HEATR3: variants seen among roughly 807,000 people sequenced by gnomAD.
The protein encoded by HEATR3 is HEAT repeat-containing protein 3.
Under a neutral mutation model 72.8 loss-of-function variants are expected in HEATR3, and 56 were observed. The observed-to-expected ratio is 0.77, with a 90% CI of 0.62 to 0.96. HEATR3 has a LOEUF of 0.96. Among genes scored for constraint, HEATR3 ranks in the 40% least tolerant of loss-of-function variants. The pLI is 0.00. For synonymous variants in HEATR3, 331 were observed against 318.1 expected, an observed-to-expected ratio of 1.04 and a Z score of -0.43; for missense variants, 747 against 831.4, an observed-to-expected ratio of 0.90 and a Z score of 1.25.
At chr16:50,082,887 T>A (rs1597153776) in intron 7 of HEATR3, among the ~76,000 whole-genome samples, 1 of 152,086 alleles carries the variant, frequency 6.6e-6, no homozygotes, top group Non-Finnish European at 1.5e-5. Context: ...GCCTCCTGGG[T>A]TCAAGGGATT....
chr16:50,096,536 C>T (rs978778089), intron 12 of HEATR3, among the ~76,000 whole-genome samples: 22 of 152,116 alleles, frequency 1.4e-4, no homozygotes, highest in African/African-American at 5.1e-4. Flanking sequence ...CAGTGGCTCA[C>T]GCCTGTAATC....
chr16:50,082,121 C>T (rs915691868), intron 7 of HEATR3, among the ~76,000 whole-genome samples: 1 of 152,040 alleles, frequency 6.6e-6, no homozygotes, highest in African/African-American at 2.4e-5. Context: ...GTGGGTGGAT[C>T]ACTTGAAGCC....
chr16:50,091,663 A>T (rs1315128368), intron 11 of HEATR3, among the ~76,000 whole-genome samples: 3 of 151,942 alleles, frequency 2.0e-5, no homozygotes, highest in Non-Finnish European at 4.4e-5. Flanking sequence ...TCATGAGGTC[A>T]GGAGATTGAG....
Position 50,078,845 on chromosome 16 carries a change from G to A in HEATR3, c.868G>A (p.Glu290Lys), listed in dbSNP as rs763438589. 3 of 1,613,996 alleles carry A rather than the reference G, an allele frequency of 1.9e-6. No homozygotes were observed. In the South Asian group the frequency reaches 3.3e-5, roughly 18 times the overall value. Residue 290 changes from glutamate (E) to lysine (K), a missense_variant, in exon 7 of 15, where the codon GAA becomes AAA. Coordinates refer to ENST00000299192, the MANE Select transcript of HEATR3 (RefSeq NM_182922.4). ...TGAAGTTTTGGGAATGGATGCTGGT[G>A]AAATGGTTATTCAAATGAAAGAGGC... ...LSEVLGMDAG[E>K]MVIQMKEAET...
intron 2 of HEATR3, among the ~76,000 whole-genome samples, chr16:50,067,929 A>G (rs1323514111): frequency 6.6e-6 from 1 of 152,242 alleles, no homozygotes; most frequent in African/African-American, 2.4e-5. Flanking sequence ...TATGATTACA[A>G]TGAATGGTAA....
intron 10 of HEATR3, among the ~76,000 whole-genome samples, chr16:50,085,603 C>T (rs576444123): frequency 6.6e-6 from 1 of 152,144 alleles, no homozygotes; most frequent in Non-Finnish European, 1.5e-5. Flanking sequence ...CACTGTACTC[C>T]AGCCTGGGAA....
At chr16:50,069,670 T>C (rs1415345267) in intron 3 of HEATR3, among the ~76,000 whole-genome samples, 3 of 152,172 alleles carry the variant, frequency 2.0e-5, no homozygotes, top group African/African-American at 7.2e-5. Context: ...AGTACCTGGA[T>C]TGAGAAGCCC....
intron 12 of HEATR3, among the ~76,000 whole-genome samples, chr16:50,097,763 A>C (rs2037275277): frequency 6.6e-6 from 1 of 152,018 alleles, no homozygotes; most frequent in Non-Finnish European, 1.5e-5. Flanking sequence ...GAAAATTCAA[A>C]AATTAGCTGG....
chr16:50,084,490 AAT>A, intron 9 of HEATR3, 77 bp from the exon 10 acceptor site: 1 of 1,165,404 alleles, frequency 8.6e-7, no homozygotes, highest in Non-Finnish European at 1.3e-6. Flanking sequence ...ACTTAGGAGT[AAT>A]ATGTTGGAAT....
At chr16:50,098,536 G>C (rs1319520723) in intron 12 of HEATR3, among the ~76,000 whole-genome samples, 1 of 151,980 alleles carries the variant, frequency 6.6e-6, no homozygotes, top group Non-Finnish European at 1.5e-5. Context: ...GGTGCCTGTA[G>C]TTCTGGCTAC....
chr16:50,072,692 T>C lies in HEATR3; in HGVS notation c.600T>C (p.Asn200=), dbSNP rs1351027143. 1.3e-6 allele frequency: 2 copies of C among 1,594,618 alleles called. No individual in the cohort carries two copies. Among genetic ancestry groups the C allele is most frequent in the Non-Finnish European group, 1.7e-6 (2 of 1,162,218 alleles). The part of the protein sequence containing the change: ...VLKYLSRFPT[N]VDLAISVAYC... ...AGTATTTAAGTAGGTTTCCTACCAATGTTGACCTGGCTATTTCAGTAGGTA... is the reference window on the plus strand; with the variant it reads ...AGTATTTAAGTAGGTTTCCTACCAACGTTGACCTGGCTATTTCAGTAGGTA... Residue 200 remains asparagine, a synonymous_variant, in exon 5 of 15, where the codon AAT becomes AAC. Transcript: ENST00000299192.
chr16:50,070,862 A>T (rs2036595669), intron 4 of HEATR3, among the ~76,000 whole-genome samples: 1 of 152,062 alleles, frequency 6.6e-6, no homozygotes, highest in Non-Finnish European at 1.5e-5. Flanking sequence ...GACCATTAGC[A>T]CCTGTGGCTC....
Position 50,066,414 on chromosome 16 carries a change from G to A in HEATR3, c.186G>A (p.Leu62=), listed in dbSNP as rs746835120. 1 of 1,520,914 alleles carries A rather than the reference G, an allele frequency of 6.6e-7. No individual in the cohort carries two copies. The highest frequency in any genetic ancestry group is 8.7e-7 in the Non-Finnish European group (1 of 1,147,440). The allele number at this position is 1,520,914 out of a possible 1,614,324, so 94.2% of individuals were successfully genotyped here. Residue 62 remains leucine (L), a synonymous_variant, in exon 2 of 15, where the codon CTG becomes CTA. Coordinates refer to ENST00000299192, the MANE Select transcript of HEATR3 (RefSeq NM_182922.4). ...AEVRECACAG[L]ARLVQQRPAL... is the part of the protein sequence containing the mutation. ...TCCGCGAGTGCGCCTGCGCAGGGCTGGCCCGGCTGGTGCAGCAGCGGCCGG... is the reference window on the plus strand; with the variant it reads ...TCCGCGAGTGCGCCTGCGCAGGGCTAGCCCGGCTGGTGCAGCAGCGGCCGG...
At chr16:50,079,102 G>A in intron 7 of HEATR3, 84 bp downstream of exon 7, 1 of 1,374,692 alleles carries the variant, frequency 7.3e-7, no homozygotes, top group South Asian at 1.4e-5. Flanking sequence ...GCAGAAAAAT[G>A]TTATAGCAAA....
At chr16:50,082,351 A>G (rs568165796) in intron 7 of HEATR3, among the ~76,000 whole-genome samples, 1 of 152,144 alleles carries the variant, frequency 6.6e-6, no homozygotes, top group Non-Finnish European at 1.5e-5. Flanking sequence ...TCCAAAAAAA[A>G]AGAATAAAAA....
intron 7 of HEATR3, chr16:50,080,178 T>C (rs1490753278): frequency 2.6e-5 from 4 of 152,130 alleles, no homozygotes; most frequent in African/African-American, 7.2e-5. Flanking sequence ...CCTGTGTTCG[T>C]GATGTCTCGG....
chr16:50,094,311 G>A (rs1003242494), intron 11 of HEATR3, among the ~76,000 whole-genome samples: 2 of 152,364 alleles, frequency 1.3e-5, no homozygotes, highest in South Asian at 4.1e-4. Context: ...GGTTGGCAAG[G>A]AAGCATTCTG....
rs139280777 is a variant in HEATR3 at position 50,102,951 on chromosome 16, C to G, written c.1920+516C>G. Reference sequence around the variant, plus strand: ...ATAATTTTTGTATTTTTAGTAGAAACGGGGATTCGCCTTGTCATCCAGGCT... The same window carrying G: ...ATAATTTTTGTATTTTTAGTAGAAAGGGGGATTCGCCTTGTCATCCAGGCT... On this transcript the variant is annotated intron_variant, in intron 14 of 14. Transcript: ENST00000299192. Among the ~76,000 whole-genome samples the G allele has an allele frequency of 6.2e-3, 938 of 152,002 alleles. 9 individuals carry two copies. The highest frequency in any genetic ancestry group is 0.021 in the African/African-American group (876 of 41,486).
intron 7 of HEATR3, among the ~76,000 whole-genome samples, chr16:50,081,187 C>G (rs2036858657): frequency 6.6e-6 from 1 of 152,310 alleles, no homozygotes; most frequent in African/African-American, 2.4e-5. Flanking sequence ...CGCCTATAAT[C>G]CTAGCACTTT....
Sources: gnomAD v4.1 joint callset for allele counts (sites outside exome capture counted in the v4.1 genomes callset) on GRCh38, gnomAD v4.1.1 for gene constraint, MANE v1.5 for transcripts, NCBI Gene and HGNC (gene_info 2026-07-23, HGNC 2026-07-21) for gene names.